Variants in ENTREP1 observed in about 807,000 individuals in gnomAD.
The protein encoded by ENTREP1 is Friedreich ataxia region gene X123.
chr9:69,375,198 C>T, the ENTREP1 span, among the ~76,000 whole-genome samples: 4 of 152,180 alleles, frequency 2.6e-5, no homozygotes, highest in Admixed American at 2.0e-4. Flanking sequence ...GCCTGGTTTC[C>T]CACTTAACTA....
At chr9:69,327,551 T>C in the ENTREP1 span, among the ~76,000 whole-genome samples, 1 of 152,212 alleles carries the variant, frequency 6.6e-6, no homozygotes, top group Non-Finnish European at 1.5e-5. Flanking sequence ...CAGTTTACTA[T>C]TGTGAATCAT....
the ENTREP1 span, chr9:69,381,822 G>A: frequency 6.6e-6 from 1 of 152,126 alleles, no homozygotes; most frequent in Non-Finnish European, 1.5e-5. Flanking sequence ...AGGCTTTTAT[G>A]GGCATTATCA....
the ENTREP1 span, among the ~76,000 whole-genome samples, chr9:69,349,918 A>G: frequency 9.2e-5 from 14 of 152,248 alleles, no homozygotes; most frequent in Admixed American, 4.6e-4. Flanking sequence ...TACAGTTTCT[A>G]TTGAATGCAT....
the ENTREP1 span, among the ~76,000 whole-genome samples, chr9:69,365,199 A>G: frequency 6.6e-6 from 1 of 152,192 alleles, no homozygotes; most frequent in African/African-American, 2.4e-5. Context: ...AAGGTAGAAC[A>G]TTATCACCCC....
the ENTREP1 span, among the ~76,000 whole-genome samples, chr9:69,366,115 T>C: frequency 6.6e-6 from 1 of 152,184 alleles, no homozygotes; most frequent in South Asian, 2.1e-4. Context: ...CTGTGTTTCA[T>C]AATGGCTCTA....
At chr9:69,371,207 C>G in the ENTREP1 span, 1 of 391,078 alleles carries the variant, frequency 2.6e-6, no homozygotes, top group Non-Finnish European at 4.8e-6. Context: ...GAGGAAATAG[C>G]TAGGGCTTAG....
chr9:69,382,583 C>T, the ENTREP1 span: 1 of 152,240 alleles, frequency 6.6e-6, no homozygotes, highest in African/African-American at 2.4e-5. Context: ...AGTGCTTTCT[C>T]ATCTTTTCAT....
the ENTREP1 span, among the ~76,000 whole-genome samples, chr9:69,340,628 T>C: frequency 3.3e-4 from 5 of 14,968 alleles, no homozygotes; most frequent in East Asian, 1.5e-3. Context: ...TGTGTGCATG[T>C]GTGTGTGCGT....
At chr9:69,375,064 G>A in the ENTREP1 span, among the ~76,000 whole-genome samples, 1 of 152,186 alleles carries the variant, frequency 6.6e-6, no homozygotes, top group South Asian at 2.1e-4. Context: ...GTTGTTTAAA[G>A]GGACTGAATT....
the ENTREP1 span, among the ~76,000 whole-genome samples, chr9:69,358,885 T>A: frequency 1.4e-5 from 2 of 146,302 alleles, no homozygotes. Flanking sequence ...CCTTTTTTTT[T>A]CTTTTTCTTT....
chr9:69,388,104 A>T, the ENTREP1 span: 1 of 1,613,514 alleles, frequency 6.2e-7, no homozygotes, highest in East Asian at 2.2e-5. Context: ...AGGTACAGGC[A>T]TATGTTCAAA....
At chr9:69,324,971 G>A in the ENTREP1 span, 2 of 985,204 alleles carry the variant, frequency 2.0e-6, no homozygotes, top group Non-Finnish European at 2.4e-6. Context: ...ACCCTCCCAG[G>A]ACCCCAGGAA....
the ENTREP1 span, among the ~76,000 whole-genome samples, chr9:69,340,813 ATGTG>A: frequency 7.1e-6 from 1 of 140,448 alleles, no homozygotes; most frequent in Admixed American, 7.1e-5. Context: ...GTGTGTGTGT[ATGTG>A]TGTGTGTGTG....
chr9:69,372,893 C>T, the ENTREP1 span, among the ~76,000 whole-genome samples: 4 of 151,622 alleles, frequency 2.6e-5, no homozygotes, highest in African/African-American at 9.7e-5. Context: ...TAAGGTGATA[C>T]CTCATTTGGT....
At chr9:69,371,788 G>A in the ENTREP1 span, among the ~76,000 whole-genome samples, 1 of 152,236 alleles carries the variant, frequency 6.6e-6, no homozygotes, top group South Asian at 2.1e-4. Context: ...CCAAGTTGTC[G>A]ATTACTTTTT....
the ENTREP1 span, among the ~76,000 whole-genome samples, chr9:69,358,753 G>A: frequency 6.6e-6 from 1 of 152,000 alleles, no homozygotes; most frequent in Non-Finnish European, 1.5e-5. Flanking sequence ...ACATGTACGT[G>A]CACAAATTCA....
At chr9:69,345,399 A>G in the ENTREP1 span, among the ~76,000 whole-genome samples, 1 of 152,202 alleles carries the variant, frequency 6.6e-6, no homozygotes, top group African/African-American at 2.4e-5. Flanking sequence ...ACTTAGTTGT[A>G]TAATTTGGCA....
the ENTREP1 span, chr9:69,377,771 C>T: frequency 1.3e-5 from 20 of 1,595,072 alleles, no homozygotes; most frequent in Admixed American, 3.4e-5. Flanking sequence ...CCCCTGCAGT[C>T]TGAGTGGGAT....
the ENTREP1 span, among the ~76,000 whole-genome samples, chr9:69,355,949 C>T: frequency 8.5e-5 from 13 of 152,124 alleles, no homozygotes; most frequent in Admixed American, 8.5e-4. Flanking sequence ...TGTGGTAAAA[C>T]ATATATAACA....
Sources: allele counts gnomAD v4.1 joint callset (sites outside exome capture counted in the v4.1 genomes callset), GRCh38; gene constraint gnomAD v4.1.1; transcripts MANE v1.5; gene names NCBI Gene and HGNC (gene_info 2026-07-23, HGNC 2026-07-21).